ADGRA3: variants seen among roughly 807,000 people sequenced by gnomAD.
The protein encoded by ADGRA3 is G-protein coupled receptor 125.
In ADGRA3, 56 loss-of-function variants were observed where a neutral mutation model predicts 119.8. That is an observed-to-expected ratio of 0.47 (90% CI 0.38 to 0.58). The LOEUF (loss-of-function observed/expected upper bound fraction) is 0.58, where lower values mean the gene tolerates loss of function less well. Among genes scored for constraint, ADGRA3 ranks in the 20% least tolerant of loss-of-function variants. The pLI, the probability that ADGRA3 is intolerant of heterozygous loss-of-function variation, is 0.00. For missense variants in ADGRA3, 1,516 were observed against 1,649.0 expected, an observed-to-expected ratio of 0.92 and a Z score of 1.40; for synonymous variants, 607 against 623.8, an observed-to-expected ratio of 0.97 and a Z score of 0.40.
intron 1 of ADGRA3, among the ~76,000 whole-genome samples, chr4:22,480,664 T>C (rs1167850762): frequency 2.0e-5 from 3 of 152,238 alleles, no homozygotes; most frequent in Non-Finnish European, 4.4e-5. Flanking sequence ...TATTACATCT[T>C]ATATAATTAT....
chr4:22,504,516 T>C (rs1183788767), intron 1 of ADGRA3, among the ~76,000 whole-genome samples: 1 of 152,094 alleles, frequency 6.6e-6, no homozygotes, highest in Non-Finnish European at 1.5e-5. Context: ...CCACAGTACA[T>C]CTCTAAAACC....
At chr4:22,494,457 A>C (rs1560345380) in intron 1 of ADGRA3, among the ~76,000 whole-genome samples, 1 of 151,850 alleles carries the variant, frequency 6.6e-6, no homozygotes, top group African/African-American at 2.4e-5. Context: ...TTTCTTAATA[A>C]ACTTGCTTTC....
At chr4:22,464,750 A>G (rs1035644223) in intron 2 of ADGRA3, among the ~76,000 whole-genome samples, 1 of 152,136 alleles carries the variant, frequency 6.6e-6, no homozygotes, top group Non-Finnish European at 1.5e-5. Context: ...TGGAATGAAA[A>G]CAGGATATCC....
chr4:22,509,004 C>T (rs989418063), intron 1 of ADGRA3, among the ~76,000 whole-genome samples: 2 of 152,110 alleles, frequency 1.3e-5, no homozygotes, highest in Non-Finnish European at 2.9e-5. Flanking sequence ...CCATGTTCCA[C>T]CCTTTCTCCC....
rs147716223 is a variant in ADGRA3 at position 22,387,764 on chromosome 4, C to A, written c.3907G>T (p.Gly1303Cys). Residue 1303 changes from glycine (G) to cysteine (C), a missense_variant, in exon 19 of 19, where the codon GGT (glycine) becomes TGT (cysteine). Gly to Cys is a radical substitution (Grantham distance 159). Coordinates refer to ENST00000334304, the MANE Select transcript of ADGRA3 (RefSeq NM_145290.4). ...CTAACATTGCCAGTGCTATCGGTAC[C>A]GAGCAAGGGTCCCTCCTGCCCATTG... ...KSNGQEGPLLGTDSTGNVRTG... is the reference protein window; with the variant it reads ...KSNGQEGPLLCTDSTGNVRTG... The A allele has an allele frequency of 1.3e-3, 2,045 of 1,614,016 alleles. 2 individuals are homozygous for A. The highest frequency in any genetic ancestry group is 1.6e-3 in the Non-Finnish European group (1,871 of 1,179,948).
At chr4:22,392,421 G>C in intron 17 of ADGRA3, 124 bp downstream of exon 17, 1 of 1,107,140 alleles carries the variant, frequency 9.0e-7, no homozygotes, top group South Asian at 1.5e-5. Flanking sequence ...TTCAAAACCA[G>C]GCAGTCCTGC....
In ADGRA3 at chr4:22,387,914, A is replaced by C. The variant is rs1713910434; in HGVS notation, c.3757T>G (p.Phe1253Val). 6.2e-6 allele frequency: 10 copies of C among 1,613,976 alleles called. No homozygotes were observed. Among genetic ancestry groups the C allele is most frequent in the Non-Finnish European group, 8.5e-6 (10 of 1,180,014 alleles). ...CTAGTGGTTGAAACTGGCTTTTCAA[A>C]ATTTCTGCTACTTTTGGGAAGTGTG... ...CSTLPKSSRN[F>V]EKPVSTTSKK... is the part of the protein sequence containing the mutation. The change falls in exon 19 of 19, where the codon TTT (phenylalanine) becomes GTT (valine). Residue 1253 changes from phenylalanine to valine, a missense_variant. This residue lies in a region of ADGRA3 where 1,088 missense variants were observed against 1,107.1 expected (regional missense o/e 0.98). Transcript: ENST00000334304.
chr4:22,465,516 G>C (rs1717623896), intron 2 of ADGRA3, among the ~76,000 whole-genome samples: 1 of 152,140 alleles, frequency 6.6e-6, no homozygotes, highest in Non-Finnish European at 1.5e-5. Flanking sequence ...CGAGAAAAAT[G>C]GTGAGCCCCT....
chr4:22,449,015 A>G (rs1716930052), intron 4 of ADGRA3, among the ~76,000 whole-genome samples: 1 of 152,178 alleles, frequency 6.6e-6, no homozygotes, highest in South Asian at 2.1e-4. Context: ...CACGCCTATA[A>G]TCTCAGCAAT....
chr4:22,487,616 G>A (rs1270410213), intron 1 of ADGRA3, among the ~76,000 whole-genome samples: 1 of 151,992 alleles, frequency 6.6e-6, no homozygotes, highest in Non-Finnish European at 1.5e-5. Context: ...GCAGGATGAC[G>A]GCACACTGCA....
chr4:22,499,116 C>G lies in ADGRA3; in HGVS notation c.257+16412G>C, dbSNP rs561772013. 2.6e-5 allele frequency among the ~76,000 whole-genome samples: 4 copies of G among 152,286 alleles called. No homozygotes were observed. The South Asian group carries it at 6.2e-4, about 24-fold the overall frequency. On this transcript the variant is annotated intron_variant, in intron 1 of 18. Coordinates refer to ENST00000334304, the MANE Select transcript of ADGRA3 (RefSeq NM_145290.4). ...AAGTACAAGTAGCCCCAATGCCCCC[C>G]TTCCCCGAACAAGTAAACAACCCTC... is the stretch of plus-strand genomic sequence containing the variant.
At chr4:22,425,723 G>A (rs907337966) in intron 10 of ADGRA3, among the ~76,000 whole-genome samples, 9 of 152,164 alleles carry the variant, frequency 5.9e-5, no homozygotes, top group South Asian at 2.1e-4. Context: ...TTTCAATCCC[G>A]TTTTGTATCC....
intron 1 of ADGRA3, among the ~76,000 whole-genome samples, chr4:22,475,223 T>A (rs1208131461): frequency 6.6e-6 from 1 of 152,100 alleles, no homozygotes; most frequent in African/African-American, 2.4e-5. Context: ...ATGGGAAGAA[T>A]AAAATCTACC....
intron 1 of ADGRA3, among the ~76,000 whole-genome samples, chr4:22,497,955 A>AG (rs1201024434): frequency 6.6e-6 from 1 of 151,214 alleles, no homozygotes; most frequent in African/African-American, 2.4e-5. Flanking sequence ...AAAAAAAAAA[A>AG]AAAGGCCGGG....
rs1272032526 is a variant in ADGRA3, at chr4:22,401,302, C to G, written c.2481+129G>C. ...GTAAACTGGCAGATTGTTTAAGTGA[C>G]AGACAATAAATTTAACTTTAATCAG... On this transcript the variant is annotated intron_variant, in intron 16 of 18. Transcript: ENST00000334304. 5.4e-6 allele frequency: 4 copies of G among 736,646 alleles called. No homozygotes were observed. In the East Asian group the frequency reaches 1.2e-4, roughly 22 times the overall value. 45.6% of individuals were successfully genotyped at this position (736,646 alleles called of 1,614,324 possible).
chr4:22,504,614 T>C (rs1719172843), intron 1 of ADGRA3, among the ~76,000 whole-genome samples: 3 of 152,166 alleles, frequency 2.0e-5, no homozygotes, highest in African/African-American at 7.2e-5. Flanking sequence ...GGCCCTGTCC[T>C]GAAGCTCTCA....
At chr4:22,422,446 GA>G (rs1463970049) in intron 11 of ADGRA3, among the ~76,000 whole-genome samples, 1 of 152,156 alleles carries the variant, frequency 6.6e-6, no homozygotes, top group African/African-American at 2.4e-5. Flanking sequence ...TAAACACAGT[GA>G]AAAGTCTTTT....
At chr4:22,407,172 G>A (rs1714977563) in intron 14 of ADGRA3, among the ~76,000 whole-genome samples, 1 of 152,200 alleles carries the variant, frequency 6.6e-6, no homozygotes, top group African/African-American at 2.4e-5. Flanking sequence ...GCAGGAGGCT[G>A]AGGCAGAAGA....
In ADGRA3 at chr4:22,389,072, A is replaced by G. The variant is rs1386077985; in HGVS notation, c.2723+16T>C. On this transcript the variant is annotated intron_variant, in intron 18 of 18. Transcript: ENST00000334304. ...AAACAACTGGGTCAAGTACACAGAGAATATAAAATACTCACTAGGGTGCGT... is the reference window on the plus strand; with the variant it reads ...AAACAACTGGGTCAAGTACACAGAGGATATAAAATACTCACTAGGGTGCGT... 6 of 1,610,478 alleles carry G rather than the reference A, an allele frequency of 3.7e-6. No homozygotes were observed. Among genetic ancestry groups the G allele is most frequent in the Non-Finnish European group, 5.1e-6 (6 of 1,177,136 alleles).
Sources: allele counts gnomAD v4.1 joint callset (sites outside exome capture counted in the v4.1 genomes callset), GRCh38; gene constraint gnomAD v4.1.1; regional missense constraint gnomAD v4.1.1; transcripts MANE v1.5; gene names NCBI Gene and HGNC (gene_info 2026-07-23, HGNC 2026-07-21).